The following CASP6 variants were observed in gnomAD, a reference collection of about 807,000 sequenced individuals.
The protein encoded by CASP6 is caspase 6.
In CASP6, 20 loss-of-function variants were observed where a neutral mutation model predicts 31.8. The observed-to-expected ratio is 0.63, with a 90% CI of 0.44 to 0.91. The LOEUF (loss-of-function observed/expected upper bound fraction) is 0.91, where lower values mean the gene tolerates loss of function less well. CASP6 is among the 40% of genes least tolerant of loss of function. The pLI is 0.00. For missense variants in CASP6, 328 were observed against 361.1 expected, an observed-to-expected ratio of 0.91 and a Z score of 0.74; for synonymous variants, 130 against 127.8, an observed-to-expected ratio of 1.02 and a Z score of -0.12.
chr4:109,666,579 C>T, the CASP6 span, among the ~76,000 whole-genome samples: 1 of 152,242 alleles, frequency 6.6e-6, no homozygotes, highest in South Asian at 2.1e-4. Context: ...GCCTATTTGC[C>T]ATCTATGTCT....
At chr4:109,671,685 A>G in the CASP6 span, among the ~76,000 whole-genome samples, 1 of 152,182 alleles carries the variant, frequency 6.6e-6, no homozygotes, top group African/African-American at 2.4e-5. Flanking sequence ...TCCTACTCTG[A>G]TACTTCCAAA....
chr4:109,672,830 C>A, the CASP6 span, among the ~76,000 whole-genome samples: 2 of 152,162 alleles, frequency 1.3e-5, no homozygotes, highest in Non-Finnish European at 2.9e-5. Flanking sequence ...GACTTGCTCC[C>A]TCTCCCCCTT....
downstream of CASP6, chr4:109,687,874 G>A: frequency 2.8e-6 from 1 of 361,964 alleles, no homozygotes. Flanking sequence ...ATGTGGAGGT[G>A]AAAGGGTCTG....
chr4:109,684,825 A>T, downstream of CASP6: 1 of 519,914 alleles, frequency 1.9e-6, no homozygotes, highest in Non-Finnish European at 3.4e-6. Flanking sequence ...CAGAGAAATT[A>T]TATATAACTT....
At chr4:109,664,421 A>AAT in the CASP6 span, 6 of 745,438 alleles carry the variant, frequency 8.0e-6, no homozygotes, top group Non-Finnish European at 8.2e-6. Context: ...TCCAACTATT[A>AAT]CTTTTTTTTT....
chr4:109,690,440 T>C (rs1730010571), intron 6 of CASP6, among the ~76,000 whole-genome samples: 1 of 151,570 alleles, frequency 6.6e-6, no homozygotes, highest in Admixed American at 6.6e-5. Flanking sequence ...GAGGATTGCT[T>C]GAGCCTGAGA....
At chr4:109,688,526 T>C (rs2126154529), downstream of CASP6, 1 of 152,364 alleles carries the variant, frequency 6.6e-6, no homozygotes, top group Admixed American at 6.5e-5. Flanking sequence ...ATGTGGTAAT[T>C]CATATGTAGA....
chr4:109,690,020 A>G (rs1374649764), intron 6 of CASP6, among the ~76,000 whole-genome samples: 2 of 151,774 alleles, frequency 1.3e-5, no homozygotes, highest in Admixed American at 6.6e-5. Flanking sequence ...CCCCATCTCT[A>G]CTAAAACTAC....
the CASP6 span, among the ~76,000 whole-genome samples, chr4:109,670,005 C>A: frequency 6.6e-6 from 1 of 152,214 alleles, no homozygotes; most frequent in Non-Finnish European, 1.5e-5. Flanking sequence ...AATGTTCCTG[C>A]CATGTCTGGC....
the CASP6 span, chr4:109,681,479 C>T: frequency 2.4e-5 from 11 of 453,050 alleles, no homozygotes; most frequent in Admixed American, 1.4e-4. Context: ...CCAAGATGGT[C>T]GTGGGCCACT....
upstream of CASP6, among the ~76,000 whole-genome samples, chr4:109,706,694 G>T (rs1455131943): frequency 6.6e-6 from 1 of 152,168 alleles, no homozygotes; most frequent in Admixed American, 6.5e-5. Flanking sequence ...ACTTTGGGAG[G>T]CCAGGAGTTC....
At chr4:109,701,220 C>CT (rs1434795319) in intron 1 of CASP6, among the ~76,000 whole-genome samples, 1 of 152,140 alleles carries the variant, frequency 6.6e-6, no homozygotes, top group Non-Finnish European at 1.5e-5. Flanking sequence ...CCTCAGCCTC[C>CT]TGGAAGTGCT....
the CASP6 span, among the ~76,000 whole-genome samples, chr4:109,669,901 AT>A: frequency 1.3e-5 from 2 of 152,006 alleles, no homozygotes; most frequent in African/African-American, 4.8e-5. Context: ...GTCTTCTTAC[AT>A]TACCCATCTG....
rs1456904792 is a variant in CASP6 at position 109,688,711 on chromosome 4, A to T, written c.*619T>A. The T allele has an allele frequency of 1.3e-5, 2 of 152,204 alleles. No homozygotes were observed. Among genetic ancestry groups the T allele is most frequent in the African/African-American group, 4.8e-5 (2 of 41,444 alleles). 9.4% of individuals were successfully genotyped at this position (152,204 alleles called of 1,614,324 possible). On this transcript the variant is annotated 3_prime_UTR_variant, in exon 7 of 7. Coordinates refer to ENST00000265164, the MANE Select transcript of CASP6 (RefSeq NM_001226.4). ...AAACATCAAACAATAAACTTTTATAAAAAAGTGACAAAATACAAGTTAAAT... is the reference window on the plus strand; with the variant it reads ...AAACATCAAACAATAAACTTTTATATAAAAGTGACAAAATACAAGTTAAAT...
At chr4:109,681,896 A>G in the CASP6 span, among the ~76,000 whole-genome samples, 1 of 152,250 alleles carries the variant, frequency 6.6e-6, no homozygotes, top group East Asian at 1.9e-4. Context: ...ATAGTGTGAA[A>G]TAGAGTGAAA....
chr4:109,669,871 C>A, the CASP6 span, among the ~76,000 whole-genome samples: 3 of 152,112 alleles, frequency 2.0e-5, no homozygotes, highest in Non-Finnish European at 4.4e-5. Context: ...TATTTAGATT[C>A]TTTCTTAGAA....
the CASP6 span, among the ~76,000 whole-genome samples, chr4:109,671,978 T>C: frequency 6.6e-6 from 1 of 151,978 alleles, no homozygotes; most frequent in Non-Finnish European, 1.5e-5. Context: ...CCCTATAAAT[T>C]CTTTCTCAAA....
chr4:109,666,956 C>A, the CASP6 span, among the ~76,000 whole-genome samples: 14 of 152,112 alleles, frequency 9.2e-5, no homozygotes, highest in Non-Finnish European at 8.8e-5. Context: ...TGTGGTGTAG[C>A]AATCTTTTTA....
At chr4:109,687,451 A>T, downstream of CASP6, 1 of 1,118,960 alleles carries the variant, frequency 8.9e-7, no homozygotes, top group Non-Finnish European at 1.4e-6. Flanking sequence ...AATTCCTCTC[A>T]AGCAGTAATG....
Sources: gnomAD v4.1 joint callset for allele counts (sites outside exome capture counted in the v4.1 genomes callset) on GRCh38, gnomAD v4.1.1 for gene constraint, MANE v1.5 for transcripts, NCBI Gene and HGNC (gene_info 2026-07-23, HGNC 2026-07-21) for gene names.